SLMAP: variants seen among roughly 807,000 people sequenced by gnomAD.
The protein encoded by SLMAP is sarcolemmal membrane-associated protein.
In SLMAP, 44 loss-of-function variants were observed where a neutral mutation model predicts 128.8. That is an observed-to-expected ratio of 0.34 (90% CI 0.27 to 0.44). SLMAP has a LOEUF of 0.44. Among genes scored for constraint, SLMAP ranks in the 20% least tolerant of loss-of-function variants. The pLI is 1.00. For synonymous variants in SLMAP, 327 were observed against 348.8 expected, an observed-to-expected ratio of 0.94 and a Z score of 0.70; for missense variants, 787 against 985.3, an observed-to-expected ratio of 0.80 and a Z score of 2.69.
In SLMAP at chr3:57,864,591, C is replaced by T. The variant is rs1224282099; in HGVS notation, c.1010C>T (p.Ala337Val). 6.3e-7 allele frequency: 1 copy of T among 1,588,434 alleles called. No individual in the cohort carries two copies. The highest frequency in any genetic ancestry group is 8.5e-7 in the Non-Finnish European group (1 of 1,173,668). Residue 337 changes from alanine to valine, a missense_variant, in exon 11 of 25, where the codon GCT becomes GTT. By Grantham distance (64) the Ala-to-Val change is moderately conservative. Around this residue, in one of 2 missense-constraint regions of SLMAP, gnomAD observed 715 missense variants for 843.6 expected, o/e 0.85. Coordinates refer to ENST00000671191, the MANE Select transcript of SLMAP (RefSeq NM_001377540.1). ...KQEEIQQKGQAEKKELQHKID... is the reference protein window; with the variant it reads ...KQEEIQQKGQVEKKELQHKID... ...GAGGAAATCCAACAGAAGGGACAGG[C>T]TGAGAAAAAAGAATTACAACATAAA...
At chr3:57,847,160 C>T (rs753206792) in intron 4 of SLMAP, 37 bp from the exon 5 acceptor site, 26 of 1,427,168 alleles carry the variant, frequency 1.8e-5, no homozygotes, top group Admixed American at 1.1e-4. Context: ...CTCTATTGTC[C>T]GGATATTAGA....
rs2091964185 is a variant in SLMAP at position 57,817,232 on chromosome 3, G to A, written c.199-14151G>A. 2.6e-5 allele frequency among the ~76,000 whole-genome samples: 4 copies of A among 152,206 alleles called. No homozygotes were observed. The South Asian group carries it at 6.2e-4, about 24-fold the overall frequency. ...GAAGGGAAAGGCAGTATGCAATTGA[G>A]AGATTTTACTGAATCAGAAATCATA... On this transcript the variant is annotated intron_variant, in intron 2 of 24. Transcript: ENST00000671191.
rs2077828949 is a variant in SLMAP at position 57,757,558 on chromosome 3, G to C, written c.-94G>C. 3 of 1,125,394 alleles carry C rather than the reference G, an allele frequency of 2.7e-6. No homozygotes were observed. The highest frequency in any genetic ancestry group is 1.6e-5 in the African/African-American group (1 of 64,508). The allele number at this position is 1,125,394 out of a possible 1,614,324, so 69.7% of individuals were successfully genotyped here. ...CAGTTTGTGTTAATTTAAAATTTTG[G>C]GTGGGATAGGGGCATAGGCTTGTGA... On this transcript the variant is annotated 5_prime_UTR_variant, in exon 2 of 25. Transcript: ENST00000671191.
At chr3:57,786,983 G>T (rs1045102728) in intron 2 of SLMAP, among the ~76,000 whole-genome samples, 1 of 152,020 alleles carries the variant, frequency 6.6e-6, no homozygotes, top group Non-Finnish European at 1.5e-5. Flanking sequence ...TGATCCGCCC[G>T]CCTCGGCCTC....
chr3:57,757,127 C>T lies in SLMAP; in HGVS notation c.-525C>T, dbSNP rs544355639. On this transcript the variant is annotated 5_prime_UTR_variant, in exon 2 of 25. Transcript: ENST00000671191. ...CTCGCCCCTTCACTCCGGGCGAGGACTGGCGGTGGCTGCCCAGAGGTGCCC... is the reference window on the plus strand; with the variant it reads ...CTCGCCCCTTCACTCCGGGCGAGGATTGGCGGTGGCTGCCCAGAGGTGCCC... 6 of 176,964 alleles carry T rather than the reference C, an allele frequency of 3.4e-5. No individual in the cohort carries two copies. The highest frequency in any genetic ancestry group is 2.3e-4 in the South Asian group (2 of 8,594). The allele number at this position is 176,964 out of a possible 1,614,324, so 11.0% of individuals were successfully genotyped here.
chr3:57,846,468 A>G (rs1480973715), intron 4 of SLMAP, among the ~76,000 whole-genome samples: 1 of 152,168 alleles, frequency 6.6e-6, no homozygotes, highest in Non-Finnish European at 1.5e-5. Flanking sequence ...CTTGCTTTCC[A>G]GAACTTTGCT....
At chr3:57,763,423 C>T (rs1037760189) in intron 2 of SLMAP, among the ~76,000 whole-genome samples, 1 of 152,028 alleles carries the variant, frequency 6.6e-6, no homozygotes, top group African/African-American at 2.4e-5. Context: ...TATAGGCACA[C>T]ACTACCACGC....
At chr3:57,897,140 T>C (rs1422948675) in intron 17 of SLMAP, 1 of 1,321,676 alleles carries the variant, frequency 7.6e-7, no homozygotes, top group East Asian at 2.8e-5. Flanking sequence ...TCAGTCAAGA[T>C]TACGAGGGAC....
At chr3:57,808,287 T>C (rs953543038) in intron 2 of SLMAP, among the ~76,000 whole-genome samples, 2 of 152,156 alleles carry the variant, frequency 1.3e-5, no homozygotes, top group East Asian at 3.9e-4. Context: ...AGTTATTTCT[T>C]GTCTTTTGCT....
intron 2 of SLMAP, among the ~76,000 whole-genome samples, chr3:57,826,922 T>G (rs552663329): frequency 6.6e-6 from 1 of 152,314 alleles, no homozygotes; most frequent in African/African-American, 2.4e-5. Flanking sequence ...TTTGGTGGTC[T>G]TCCCCACTCT....
At chr3:57,847,163 A>T in intron 4 of SLMAP, 34 bp from the exon 5 acceptor site, 1 of 1,461,938 alleles carries the variant, frequency 6.8e-7, no homozygotes, top group Non-Finnish European at 9.5e-7. Context: ...TATTGTCCGG[A>T]TATTAGATAA....
intron 2 of SLMAP, among the ~76,000 whole-genome samples, chr3:57,816,521 G>A (rs2091882410): frequency 6.6e-6 from 1 of 152,126 alleles, no homozygotes; most frequent in African/African-American, 2.4e-5. Flanking sequence ...CCTACTTTAT[G>A]TTAAATCACA....
In SLMAP at chr3:57,874,732, G is replaced by A. The variant is rs904038389; in HGVS notation, c.1300+3034G>A. ...AAATTAGCCAGGCGTGGTGGTGGGC[G>A]CCTGTAGTCTCAGCTACTTGGGAGG... On this transcript the variant is annotated intron_variant, in intron 14 of 24. Coordinates refer to ENST00000671191, the MANE Select transcript of SLMAP (RefSeq NM_001377540.1). Among the ~76,000 whole-genome samples, 112 of 152,050 alleles carry A rather than the reference G, an allele frequency of 7.4e-4. 2 individuals carry two copies. The highest frequency in any genetic ancestry group is 5.4e-3 in the Admixed American group (83 of 15,258).
intron 20 of SLMAP, 96 bp downstream of exon 20, chr3:57,912,797 G>A (rs1281639043): frequency 3.3e-6 from 3 of 916,922 alleles, no homozygotes; most frequent in Non-Finnish European, 4.8e-6. Flanking sequence ...TTTTTTCTTT[G>A]TTAGCTATCA....
intron 22 of SLMAP, among the ~76,000 whole-genome samples, chr3:57,919,935 A>G (rs1197817104): frequency 6.6e-6 from 1 of 152,220 alleles, no homozygotes; most frequent in Non-Finnish European, 1.5e-5. Context: ...GGTAAGCAAC[A>G]GGATCCCCCT....
At chr3:57,916,808 C>G in intron 21 of SLMAP, 98 bp from the exon 22 acceptor site, 1 of 880,396 alleles carries the variant, frequency 1.1e-6, no homozygotes, top group Non-Finnish European at 1.7e-6. Flanking sequence ...TCTCTGAAAT[C>G]CACTCTATCC....
intron 23 of SLMAP, among the ~76,000 whole-genome samples, chr3:57,924,946 T>G (rs1172880460): frequency 6.6e-6 from 1 of 150,966 alleles, no homozygotes; most frequent in Non-Finnish European, 1.5e-5. Flanking sequence ...GTTTTTTGTT[T>G]TTTGTTTTTT....
chr3:57,901,436 T>A (rs1254796004), intron 17 of SLMAP: 1 of 152,150 alleles, frequency 6.6e-6, no homozygotes. Flanking sequence ...GCATTTTGAG[T>A]TTCATGGGAC....
In SLMAP at chr3:57,823,789, C is replaced by T. The variant is rs569808296; in HGVS notation, c.199-7594C>T. Among the ~76,000 whole-genome samples, 298 of 152,178 alleles carry T rather than the reference C, an allele frequency of 2.0e-3. 6 individuals are homozygous for T. The highest frequency in any genetic ancestry group is 0.019 in the Admixed American group (287 of 15,288). ...TTCTAGTTCTAGATCCCTGAGGAAT[C>T]GCCACACTGACTTCCACAATGGTTG... On this transcript the variant is annotated intron_variant, in intron 2 of 24. Coordinates refer to ENST00000671191, the MANE Select transcript of SLMAP (RefSeq NM_001377540.1).
Sources: gnomAD v4.1 joint callset for allele counts (sites outside exome capture counted in the v4.1 genomes callset) on GRCh38, gnomAD v4.1.1 for gene constraint, gnomAD v4.1.1 regional missense constraint, MANE v1.5 for transcripts, NCBI Gene and HGNC (gene_info 2026-07-23, HGNC 2026-07-21) for gene names.